DOCK7: variants seen among roughly 807,000 people sequenced by gnomAD.
DOCK7 encodes the protein dedicator of cytokinesis protein 7.
Under a neutral mutation model 271.0 loss-of-function variants are expected in DOCK7, and 138 were observed. The observed-to-expected ratio is 0.51, with a 90% CI of 0.44 to 0.59. DOCK7 has a LOEUF of 0.59. DOCK7 is among the 20% of genes least tolerant of loss of function. The pLI is 0.00. For missense variants in DOCK7, 2,066 were observed against 2,592.4 expected (o/e 0.80, Z 4.41); for synonymous variants, 823 against 876.1 (o/e 0.94, Z 1.07).
chr1:62,496,854 G>C (rs563788479), intron 37 of DOCK7, among the ~76,000 whole-genome samples: 23 of 152,198 alleles, frequency 1.5e-4, no homozygotes, highest in African/African-American at 5.1e-4. Context: ...ATGGTAGATG[G>C]AGTATTTAAA....
chr1:62,511,809 A>G (rs1368294853), intron 33 of DOCK7, among the ~76,000 whole-genome samples: 6 of 152,050 alleles, frequency 3.9e-5, no homozygotes, highest in Non-Finnish European at 1.5e-5. Context: ...AAAATTAACT[A>G]TAATATTCTA....
At chr1:62,484,777 A>G (rs1395834627) in intron 43 of DOCK7, 1 of 152,210 alleles carries the variant, frequency 6.6e-6, no homozygotes, top group African/African-American at 2.4e-5. Flanking sequence ...AAATTTTCAT[A>G]CAGAAATTTA....
At chr1:62,555,705 T>C in intron 21 of DOCK7, 120 bp downstream of exon 21, 2 of 1,059,444 alleles carry the variant, frequency 1.9e-6, no homozygotes, top group Non-Finnish European at 2.7e-6. Context: ...ACTTAGCAGG[T>C]GTTCAATAAA....
intron 48 of DOCK7, among the ~76,000 whole-genome samples, chr1:62,459,518 C>T (rs1645449061): frequency 6.6e-6 from 1 of 151,752 alleles, no homozygotes; most frequent in East Asian, 1.9e-4. Context: ...TGGGATTGTA[C>T]AATTTACAAA....
At chr1:62,631,535 C>G in intron 10 of DOCK7, 130 bp from the exon 11 acceptor site, 1 of 742,090 alleles carries the variant, frequency 1.3e-6, no homozygotes, top group Non-Finnish European at 2.1e-6. Context: ...AAATCTGTAC[C>G]TTACAGAGAT....
intron 44 of DOCK7, 37 bp downstream of exon 44, chr1:62,477,663 C>A (rs1368273669): frequency 2.6e-6 from 4 of 1,545,352 alleles, no homozygotes; most frequent in Non-Finnish European, 2.6e-6. Context: ...AGAATACAAA[C>A]TAAAGATGAC....
intron 18 of DOCK7, among the ~76,000 whole-genome samples, chr1:62,568,002 G>A (rs1164157737): frequency 6.6e-6 from 1 of 151,848 alleles, no homozygotes; most frequent in Non-Finnish European, 1.5e-5. Context: ...TCACATAATT[G>A]GAAGTAAAAC....
At chr1:62,600,410 C>G (rs1173999989) in intron 14 of DOCK7, among the ~76,000 whole-genome samples, 1 of 151,780 alleles carries the variant, frequency 6.6e-6, no homozygotes, top group South Asian at 2.1e-4. Context: ...TAGGAAATAT[C>G]ATTCATGCCA....
intron 42 of DOCK7, 200 bp downstream of exon 42, chr1:62,488,734 A>AT: frequency 1.5e-6 from 1 of 671,172 alleles, no homozygotes; most frequent in South Asian, 1.6e-5. Flanking sequence ...GTTTATGATG[A>AT]TCACCATTTA....
At chr1:62,583,509 T>C (rs1232496475) in intron 15 of DOCK7, among the ~76,000 whole-genome samples, 3 of 152,216 alleles carry the variant, frequency 2.0e-5, no homozygotes, top group Non-Finnish European at 4.4e-5. Flanking sequence ...ACTGGGAAAT[T>C]AGATACATTT....
At chr1:62,460,368 ACAGACTTTTTTCTTGT>A (rs1645484679) in intron 48 of DOCK7, among the ~76,000 whole-genome samples, 1 of 152,194 alleles carries the variant, frequency 6.6e-6, no homozygotes, top group African/African-American at 2.4e-5. Context: ...TTGAACATGT[ACAGACTTTTTTCTTGT>A]CATTATTTCC....
At chr1:62,661,673 T>C (rs1658679962) in intron 2 of DOCK7, among the ~76,000 whole-genome samples, 1 of 152,164 alleles carries the variant, frequency 6.6e-6, no homozygotes, top group Non-Finnish European at 1.5e-5. Flanking sequence ...GGTTCATGGA[T>C]TCTAGGTCCT....
chr1:62,596,203 A>G (rs1649221346), intron 14 of DOCK7, among the ~76,000 whole-genome samples: 1 of 152,120 alleles, frequency 6.6e-6, no homozygotes, highest in Admixed American at 6.6e-5. Flanking sequence ...TCATAACACT[A>G]TGAATTATGT....
intron 1 of DOCK7, 70 bp downstream of exon 1, chr1:62,688,157 C>T: frequency 7.9e-7 from 1 of 1,267,634 alleles, no homozygotes; most frequent in Non-Finnish European, 1.0e-6. Context: ...GCCTCCTAGG[C>T]CAGGCCTGGG....
chr1:62,532,733 GTGAACATC>G (rs1416547483), intron 29 of DOCK7, among the ~76,000 whole-genome samples: 1 of 152,174 alleles, frequency 6.6e-6, no homozygotes, highest in African/African-American at 2.4e-5. Flanking sequence ...AAATGACTAT[GTGAACATC>G]TGAGGGCTGT....
intron 22 of DOCK7, among the ~76,000 whole-genome samples, chr1:62,548,495 A>G (rs750398791): frequency 1.3e-5 from 2 of 149,408 alleles, no homozygotes; most frequent in African/African-American, 2.5e-5. Flanking sequence ...ATCTTGGCTC[A>G]CCACAACCTC....
At chr1:62,607,330 C>T (rs915307148) in intron 14 of DOCK7, among the ~76,000 whole-genome samples, 1 of 152,196 alleles carries the variant, frequency 6.6e-6, no homozygotes, top group African/African-American at 2.4e-5. Flanking sequence ...CCAGCATGTT[C>T]CCAGTCACAG....
intron 1 of DOCK7, among the ~76,000 whole-genome samples, chr1:62,680,598 G>C (rs1300769507): frequency 1.3e-5 from 2 of 152,128 alleles, no homozygotes; most frequent in East Asian, 3.9e-4. Context: ...AGAGTGAACA[G>C]GCAACCTACA....
chr1:62,594,781 C>T (rs952360506), intron 14 of DOCK7, among the ~76,000 whole-genome samples: 2 of 152,088 alleles, frequency 1.3e-5, no homozygotes, highest in Non-Finnish European at 2.9e-5. Context: ...AAAACACATA[C>T]AAATCTTGCC....
Sources: gnomAD v4.1 joint callset for allele counts (sites outside exome capture counted in the v4.1 genomes callset) on GRCh38, gnomAD v4.1.1 for gene constraint, MANE v1.5 for transcripts, NCBI Gene and HGNC (gene_info 2026-07-23, HGNC 2026-07-21) for gene names.